PLXNA4: variants seen among roughly 807,000 people sequenced by gnomAD.
PLXNA4 encodes the protein plexin A4, also known as plexin-A4.
In PLXNA4, 44 loss-of-function variants were observed where a neutral mutation model predicts 191.8. That is an observed-to-expected ratio of 0.23 (90% CI 0.18 to 0.29). The LOEUF is 0.29. Ranked by LOEUF, PLXNA4 falls within the 10% of genes least tolerant of loss-of-function variation. PLXNA4 has a pLI of 1.00. For missense variants in PLXNA4, 1,800 were observed against 2,488.8 expected (o/e 0.72, Z 5.89); for synonymous variants, 1,082 against 1,009.5 (o/e 1.07, Z -1.36).
At chr7:132,590,677 T>TTAGC (rs1382054882) in intron 2 of PLXNA4, among the ~76,000 whole-genome samples, 1 of 152,154 alleles carries the variant, frequency 6.6e-6, no homozygotes, top group African/African-American at 2.4e-5. Flanking sequence ...TGGCAGCTGA[T>TTAGC]TAGCTGGTAC....
At chr7:132,272,293 A>G (rs936000972) in intron 4 of PLXNA4, among the ~76,000 whole-genome samples, 2 of 152,222 alleles carry the variant, frequency 1.3e-5, no homozygotes, top group Non-Finnish European at 2.9e-5. Context: ...ATTAATTTTG[A>G]TGGAGCTATT....
At chr7:132,278,589 G>A (rs953662314) in intron 4 of PLXNA4, among the ~76,000 whole-genome samples, 12 of 152,302 alleles carry the variant, frequency 7.9e-5, no homozygotes, top group East Asian at 1.9e-4. Context: ...CTAATGGCCC[G>A]AGGCAGGGGT....
chr7:132,488,226 C>T (rs780804209), intron 3 of PLXNA4, among the ~76,000 whole-genome samples: 1 of 152,206 alleles, frequency 6.6e-6, no homozygotes, highest in Admixed American at 6.5e-5. Context: ...AGACACACCA[C>T]CTGTCCGCAG....
chr7:132,519,561 C>A (rs1799089582), intron 1 of PLXNA4, among the ~76,000 whole-genome samples: 1 of 152,178 alleles, frequency 6.6e-6, no homozygotes, highest in Non-Finnish European at 1.5e-5. Context: ...GACATTTTCA[C>A]CAGGAGAGGA....
intron 3 of PLXNA4, among the ~76,000 whole-genome samples, chr7:132,481,998 G>T (rs1015409031): frequency 6.6e-6 from 1 of 152,204 alleles, no homozygotes; most frequent in Non-Finnish European, 1.5e-5. Context: ...GGCCACTGGT[G>T]TTCCTGAGGA....
chr7:132,399,615 G>A (rs1179464156), intron 3 of PLXNA4, among the ~76,000 whole-genome samples: 1 of 152,202 alleles, frequency 6.6e-6, no homozygotes, highest in Non-Finnish European at 1.5e-5. Flanking sequence ...GCACACCTGG[G>A]CAGGGCTACA....
intron 4 of PLXNA4, among the ~76,000 whole-genome samples, chr7:132,250,622 C>T (rs1357085240): frequency 6.6e-6 from 1 of 152,148 alleles, no homozygotes; most frequent in East Asian, 1.9e-4. Flanking sequence ...GTGAGATTCT[C>T]TAGCTAGGCA....
intron 4 of PLXNA4, among the ~76,000 whole-genome samples, chr7:132,266,638 T>C (rs1799869940): frequency 6.6e-6 from 1 of 152,232 alleles, no homozygotes; most frequent in African/African-American, 2.4e-5. Context: ...TTATCTGAAG[T>C]AGCAGGGAGT....
chr7:132,487,464 T>C (rs923872329), intron 3 of PLXNA4, among the ~76,000 whole-genome samples: 1 of 152,168 alleles, frequency 6.6e-6, no homozygotes, highest in Middle Eastern at 3.2e-3. Context: ...GCCCCCGGTA[T>C]TTAGAATTCA....
At chr7:132,464,854 A>T (rs1397556475) in intron 3 of PLXNA4, among the ~76,000 whole-genome samples, 2 of 152,250 alleles carry the variant, frequency 1.3e-5, no homozygotes, top group African/African-American at 4.8e-5. Context: ...AAGATTCCTC[A>T]GATGGAAACA....
At chr7:132,414,071 G>A (rs907140909) in intron 3 of PLXNA4, among the ~76,000 whole-genome samples, 2 of 152,188 alleles carry the variant, frequency 1.3e-5, no homozygotes, top group Non-Finnish European at 2.9e-5. Context: ...GGGAGCACTG[G>A]GACATATGCA....
At chr7:132,299,306 G>T (rs921084762) in intron 3 of PLXNA4, among the ~76,000 whole-genome samples, 1 of 152,092 alleles carries the variant, frequency 6.6e-6, no homozygotes, top group Non-Finnish European at 1.5e-5. Flanking sequence ...TTCCCATTAG[G>T]CACTCTTATT....
At chr7:132,330,444 A>G (rs530224100) in intron 3 of PLXNA4, among the ~76,000 whole-genome samples, 21 of 152,352 alleles carry the variant, frequency 1.4e-4, no homozygotes, top group African/African-American at 4.8e-4. Context: ...CAGAAGGGAC[A>G]GAAACAGAGA....
chr7:132,179,381 A>G (rs928521825), intron 20 of PLXNA4, among the ~76,000 whole-genome samples: 1 of 147,786 alleles, frequency 6.8e-6, no homozygotes, highest in African/African-American at 2.6e-5. Context: ...TTGCTTGTAC[A>G]TGAAACATAT....
At chr7:132,488,939 G>A (rs1424648003) in intron 3 of PLXNA4, among the ~76,000 whole-genome samples, 1 of 152,198 alleles carries the variant, frequency 6.6e-6, no homozygotes, top group Admixed American at 6.5e-5. Flanking sequence ...CCTTCCCCCT[G>A]CCCACCTTCC....
chr7:132,563,306 CTCCTTCTCT>C (rs1287269191), intron 1 of PLXNA4, among the ~76,000 whole-genome samples: 1 of 115,768 alleles, frequency 8.6e-6, no homozygotes, highest in Non-Finnish European at 1.8e-5. Context: ...TCTCTTCCTC[CTCCTTCTCT>C]TCCTCCTTCT....
intron 4 of PLXNA4, among the ~76,000 whole-genome samples, chr7:132,250,169 T>C (rs1799197025): frequency 6.6e-6 from 1 of 152,142 alleles, no homozygotes; most frequent in Non-Finnish European, 1.5e-5. Flanking sequence ...TGGGTTGTTT[T>C]GAAGAATAAT....
intron 9 of PLXNA4, among the ~76,000 whole-genome samples, chr7:132,218,277 C>T (rs968539215): frequency 6.6e-6 from 1 of 151,662 alleles, no homozygotes. Context: ...CTTTCAAACA[C>T]AGCTTTGCAA....
At chr7:132,547,421 G>A (rs571160920) in intron 1 of PLXNA4, among the ~76,000 whole-genome samples, 3 of 152,156 alleles carry the variant, frequency 2.0e-5, no homozygotes, top group Admixed American at 6.5e-5. Flanking sequence ...CTCTGCTTCA[G>A]TTTCTAGGTC....
Sources: allele counts gnomAD v4.1 joint callset (sites outside exome capture counted in the v4.1 genomes callset), GRCh38; gene constraint gnomAD v4.1.1; transcripts MANE v1.5; gene names NCBI Gene and HGNC (gene_info 2026-07-23, HGNC 2026-07-21).